Variants in NBAS observed in about 807,000 individuals in gnomAD.
NBAS encodes NBAS subunit of NRZ tethering complex, also known as NAG/BC035112 fusion.
NBAS carries 219 observed loss-of-function variants against 302.5 expected under a neutral mutation model. The ratio of observed to expected loss-of-function variants is 0.72; its 90% confidence interval spans 0.65 to 0.81. NBAS has a LOEUF of 0.81. NBAS is among the 30% of genes least tolerant of loss of function. NBAS has a pLI of 0.00. For synonymous variants in NBAS, 1,118 were observed against 1,021.6 expected (o/e 1.09, Z -1.80); for missense variants, 2,932 against 2,841.6 (o/e 1.03, Z -0.72).
At chr2:14,822,039 GA>G in the NBAS span, among the ~76,000 whole-genome samples, 1,510 of 147,618 alleles carry the variant, frequency 0.01, 29 homozygotes, top group African/African-American at 0.035. Flanking sequence ...TCTCAACAAT[GA>G]AAAAAAAAAT....
chr2:15,171,786 C>T (rs868088830), intron 51 of NBAS, among the ~76,000 whole-genome samples: 1 of 152,118 alleles, frequency 6.6e-6, no homozygotes, highest in Non-Finnish European at 1.5e-5. Context: ...TCCGATATAA[C>T]CGGTGTCCTT....
At chr2:14,944,249 G>A in the NBAS span, among the ~76,000 whole-genome samples, 3 of 152,136 alleles carry the variant, frequency 2.0e-5, no homozygotes, top group African/African-American at 4.8e-5. Context: ...GCAGTGAGCC[G>A]AGATCGATCG....
chr2:15,256,269 C>T (rs1668588322), intron 44 of NBAS, among the ~76,000 whole-genome samples: 1 of 151,924 alleles, frequency 6.6e-6, no homozygotes, highest in Admixed American at 6.6e-5. Flanking sequence ...GATCATTCAC[C>T]TCCTTGCTTA....
chr2:15,240,627 C>CA (rs1204637978), intron 44 of NBAS, among the ~76,000 whole-genome samples: 5 of 150,784 alleles, frequency 3.3e-5, no homozygotes, highest in Non-Finnish European at 5.9e-5. Context: ...AAAAAACAAA[C>CA]AAAAAAAATG....
intron 44 of NBAS, among the ~76,000 whole-genome samples, chr2:15,272,764 TC>T (rs1464558375): frequency 3.3e-5 from 5 of 152,200 alleles, no homozygotes; most frequent in African/African-American, 1.2e-4. Context: ...GCAGACTGAA[TC>T]TTTACTGAGT....
At chr2:14,835,255 T>C in the NBAS span, among the ~76,000 whole-genome samples, 1 of 151,976 alleles carries the variant, frequency 6.6e-6, no homozygotes, top group African/African-American at 2.4e-5. Flanking sequence ...ATTAAACACA[T>C]AGATATATAA....
intron 28 of NBAS, among the ~76,000 whole-genome samples, chr2:15,386,320 T>C (rs2148391021): frequency 6.6e-6 from 1 of 152,326 alleles, no homozygotes; most frequent in Admixed American, 6.5e-5. Flanking sequence ...AGCCAGCTCT[T>C]AAAAGATAGG....
the NBAS span, among the ~76,000 whole-genome samples, chr2:15,103,849 G>T: frequency 6.6e-6 from 1 of 152,130 alleles, no homozygotes; most frequent in East Asian, 1.9e-4. Flanking sequence ...TAAAGGAAAA[G>T]TTCAGTTTTC....
At chr2:15,247,973 T>C (rs924664795) in intron 44 of NBAS, among the ~76,000 whole-genome samples, 4 of 151,930 alleles carry the variant, frequency 2.6e-5, no homozygotes, top group African/African-American at 9.7e-5. Context: ...TCTACAAAAC[T>C]CTCCACCCCA....
chr2:15,317,740 G>A (rs570679964), intron 38 of NBAS, among the ~76,000 whole-genome samples: 1 of 152,198 alleles, frequency 6.6e-6, no homozygotes, highest in East Asian at 1.9e-4. Context: ...AAGAAATATG[G>A]GACTATGTGA....
chr2:15,032,105 A>C, the NBAS span, among the ~76,000 whole-genome samples: 1 of 152,154 alleles, frequency 6.6e-6, no homozygotes, highest in Non-Finnish European at 1.5e-5. Flanking sequence ...GGTTAAACTA[A>C]TACTGTGTGC....
At chr2:14,843,434 A>C in the NBAS span, among the ~76,000 whole-genome samples, 1 of 152,142 alleles carries the variant, frequency 6.6e-6, no homozygotes, top group East Asian at 1.9e-4. Context: ...CCCACCAAAA[A>C]AAATGGTTAG....
intron 38 of NBAS, 33 bp from the exon 39 acceptor site, chr2:15,309,280 A>G: frequency 1.9e-6 from 3 of 1,549,158 alleles, no homozygotes; most frequent in Non-Finnish European, 2.7e-6. Context: ...TATTTTACTG[A>G]GGTTGCATAT....
chr2:14,978,238 T>C, the NBAS span, among the ~76,000 whole-genome samples: 1 of 152,308 alleles, frequency 6.6e-6, no homozygotes, highest in Non-Finnish European at 1.5e-5. Context: ...CTTCCTCATA[T>C]CTCTACTATG....
intron 6 of NBAS, among the ~76,000 whole-genome samples, chr2:15,546,887 C>G (rs1664143712): frequency 6.6e-6 from 1 of 152,208 alleles, no homozygotes; most frequent in African/African-American, 2.4e-5. Flanking sequence ...TTCAAGCTGT[C>G]AGAGTGCCCA....
chr2:15,193,545 A>G (rs777531405), intron 48 of NBAS, among the ~76,000 whole-genome samples: 5 of 152,162 alleles, frequency 3.3e-5, no homozygotes, highest in Non-Finnish European at 7.4e-5. Context: ...AATATCTAAA[A>G]AACGAATGTT....
chr2:14,884,404 C>T, the NBAS span, among the ~76,000 whole-genome samples: 1 of 152,234 alleles, frequency 6.6e-6, no homozygotes, highest in East Asian at 1.9e-4. Context: ...TTTCACAGCA[C>T]ACTCATGAGA....
In NBAS at chr2:15,308,315, G is replaced by C; in HGVS notation, c.4698C>G (p.Pro1566=). Residue 1566 remains proline, a synonymous_variant, in exon 40 of 52, where the codon CCC becomes CCG. Coordinates refer to ENST00000281513, the MANE Select transcript of NBAS (RefSeq NM_015909.4). ...CTGCCAGCTGGAGAGATAATGCAGA[G>C]GGGGACTGCTTTTCAAAGCACCGGT... ...DANRCFEKQS[P]SALSLQLAAY... The C allele has an allele frequency of 6.2e-7, 1 of 1,614,184 alleles. No individual in the cohort carries two copies. The highest frequency in any genetic ancestry group is 1.3e-5 in the African/African-American group (1 of 75,056).
chr2:14,950,744 C>T, the NBAS span, among the ~76,000 whole-genome samples: 1 of 152,092 alleles, frequency 6.6e-6, no homozygotes, highest in African/African-American at 2.4e-5. Context: ...CAGTGAGAGG[C>T]AAAGGATCAC....
Sources: gnomAD v4.1 joint callset for allele counts (sites outside exome capture counted in the v4.1 genomes callset) on GRCh38, gnomAD v4.1.1 for gene constraint, MANE v1.5 for transcripts, NCBI Gene and HGNC (gene_info 2026-07-23, HGNC 2026-07-21) for gene names.